The following NAA11 variants were observed in gnomAD, a reference collection of about 807,000 sequenced individuals.
NAA11 encodes the protein N-alpha-acetyltransferase 11, NatA catalytic subunit.
A neutral mutation model predicts 16.1 loss-of-function variants in NAA11; 15 were observed. The observed-to-expected ratio is 0.93, with a 90% CI of 0.62 to 1.44. The LOEUF (loss-of-function observed/expected upper bound fraction) is 1.44, where lower values mean the gene tolerates loss of function less well. Ranked by LOEUF, NAA11 falls within the 40% of genes most tolerant of loss-of-function variation. The pLI is 0.00. For synonymous variants in NAA11, 122 were observed against 112.4 expected (o/e 1.09, Z -0.54); for missense variants, 298 against 291.3 (o/e 1.02, Z -0.17).
the NAA11 span, among the ~76,000 whole-genome samples, chr4:79,190,624 AT>A: frequency 6.6e-6 from 1 of 152,168 alleles, no homozygotes; most frequent in Non-Finnish European, 1.5e-5. Flanking sequence ...AGACCCATTT[AT>A]CCCCCTGGAG....
At chr4:79,162,284 G>T in the NAA11 span, among the ~76,000 whole-genome samples, 1 of 152,146 alleles carries the variant, frequency 6.6e-6, no homozygotes, top group Non-Finnish European at 1.5e-5. Context: ...CTGCCTAAGT[G>T]AAGAAAGCTT....
Position 79,278,787 on chromosome 4 carries a change from A to G in NAA11, c.*122+15218T>C, listed in dbSNP as rs532495597. Among the ~76,000 whole-genome samples the G allele has an allele frequency of 3.3e-4, 51 of 152,264 alleles. 1 individual carries two copies. In the South Asian group the frequency reaches 0.01, roughly 31 times the overall value. ...TCTTATTGATATGAGGATTCTCAAC[A>G]TCCTTTATAATACATGTCTTAGTAC... On this transcript the variant is annotated intron_variant and NMD_transcript_variant, in intron 2 of 2. Transcript: ENST00000511542.
chr4:79,180,344 T>C, the NAA11 span, among the ~76,000 whole-genome samples: 72 of 152,294 alleles, frequency 4.7e-4, no homozygotes, highest in African/African-American at 1.7e-3. Context: ...GTGAAAAATA[T>C]TTTTTGTGTT....
intron 1 of NAA11, among the ~76,000 whole-genome samples, chr4:79,319,068 C>T (rs1560475691): frequency 6.6e-6 from 1 of 152,144 alleles, no homozygotes; most frequent in South Asian, 2.1e-4. Flanking sequence ...CAAGCACGCA[C>T]CAGTATACAC....
intron 1 of NAA11, among the ~76,000 whole-genome samples, chr4:79,305,392 G>A (rs1213751110): frequency 6.6e-6 from 1 of 152,118 alleles, no homozygotes; most frequent in Non-Finnish European, 1.5e-5. Flanking sequence ...GACTGCCATG[G>A]CAGTATAGTC....
At chr4:79,303,307 G>A (rs953630756) in intron 1 of NAA11, among the ~76,000 whole-genome samples, 4 of 151,504 alleles carry the variant, frequency 2.6e-5, no homozygotes, top group African/African-American at 9.7e-5. Flanking sequence ...CTTGGCCTTT[G>A]TTCATTTATT....
chr4:79,179,234 A>C, the NAA11 span, among the ~76,000 whole-genome samples: 1 of 152,046 alleles, frequency 6.6e-6, no homozygotes, highest in Non-Finnish European at 1.5e-5. Flanking sequence ...CTTTAGAGTC[A>C]ATTTTGGTAC....
chr4:79,211,174 A>G, the NAA11 span, among the ~76,000 whole-genome samples: 1 of 152,190 alleles, frequency 6.6e-6, no homozygotes, highest in Admixed American at 6.5e-5. Flanking sequence ...TGTGTAAAAC[A>G]TGAGACTGAG....
At chr4:79,267,456 TTC>T (rs931464561) in intron 2 of NAA11, among the ~76,000 whole-genome samples, 3 of 152,300 alleles carry the variant, frequency 2.0e-5, no homozygotes, top group African/African-American at 7.2e-5. Flanking sequence ...CATAGAATGC[TTC>T]TGTTTTCTCT....
intron 2 of NAA11, among the ~76,000 whole-genome samples, chr4:79,262,266 A>G (rs1402834091): frequency 6.6e-6 from 1 of 152,214 alleles, no homozygotes; most frequent in African/African-American, 2.4e-5. Flanking sequence ...GAAGTTGTAG[A>G]TATTGGAAAT....
chr4:79,174,939 T>G, the NAA11 span, among the ~76,000 whole-genome samples: 1 of 152,120 alleles, frequency 6.6e-6, no homozygotes, highest in Non-Finnish European at 1.5e-5. Context: ...ATAATATTAT[T>G]TCTATTGAAT....
downstream of NAA11, among the ~76,000 whole-genome samples, chr4:79,222,355 CT>C (rs1398980370): frequency 6.6e-6 from 1 of 151,978 alleles, no homozygotes; most frequent in Non-Finnish European, 1.5e-5. Context: ...CTACAACTAT[CT>C]GATCTTTGAC....
chr4:79,316,318 A>G (rs1452510878), downstream of NAA11, among the ~76,000 whole-genome samples: 1 of 152,192 alleles, frequency 6.6e-6, no homozygotes, highest in Non-Finnish European at 1.5e-5. Context: ...GAAAAAAGGA[A>G]AAGATGGAAA....
chr4:79,239,484 C>T (rs111972570), intron 2 of NAA11, among the ~76,000 whole-genome samples: 1 of 151,900 alleles, frequency 6.6e-6, no homozygotes, highest in Non-Finnish European at 1.5e-5. Flanking sequence ...GTGGATCACT[C>T]GAGGCTAAGA....
chr4:79,193,365 A>G, the NAA11 span, among the ~76,000 whole-genome samples: 2 of 152,114 alleles, frequency 1.3e-5, no homozygotes, highest in Admixed American at 6.5e-5. Flanking sequence ...TAGGTCTAAC[A>G]TGTAAGTCTT....
At chr4:79,168,273 A>G in the NAA11 span, among the ~76,000 whole-genome samples, 1 of 152,228 alleles carries the variant, frequency 6.6e-6, no homozygotes, top group African/African-American at 2.4e-5. Flanking sequence ...TCTATCATTG[A>G]TGGCCATTTG....
intron 1 of NAA11, chr4:79,305,024 T>C (rs1723531908): frequency 6.6e-6 from 1 of 152,202 alleles, no homozygotes; most frequent in African/African-American, 2.4e-5. Flanking sequence ...TAAGAAGCTG[T>C]CCCCAGACTG....
the NAA11 span, among the ~76,000 whole-genome samples, chr4:79,156,255 G>A: frequency 6.6e-6 from 1 of 151,982 alleles, no homozygotes; most frequent in East Asian, 1.9e-4. Flanking sequence ...AAACCTTATA[G>A]CTTTACAGGG....
chr4:79,254,923 A>T (rs1328973464), intron 2 of NAA11, among the ~76,000 whole-genome samples: 3 of 152,130 alleles, frequency 2.0e-5, no homozygotes, highest in Non-Finnish European at 4.4e-5. Context: ...CATATGAGGA[A>T]ACTGAGGCAA....
Sources: allele counts gnomAD v4.1 joint callset (sites outside exome capture counted in the v4.1 genomes callset), GRCh38; gene constraint gnomAD v4.1.1; transcripts MANE v1.5; gene names NCBI Gene and HGNC (gene_info 2026-07-23, HGNC 2026-07-21).